VN1R4: variants seen among roughly 807,000 people sequenced by gnomAD.
VN1R4 encodes the protein vomeronasal type-1 receptor 4.
For synonymous variants in VN1R4, 97 were observed against 138.8 expected (o/e 0.70, Z 2.12); for missense variants, 291 against 364.2 (o/e 0.80, Z 1.64).
exon 1 of VN1R4, chr19:53,266,873 A>T (rs1568704336): frequency 3.1e-6 from 5 of 1,614,198 alleles, no homozygotes; most frequent in Non-Finnish European, 4.2e-6. Context: ...TTCACCAGTA[A>T]ACTATTGGGA....
At chr19:53,267,026 G>A in the VN1R4 span, 1 of 1,612,398 alleles carries the variant, frequency 6.2e-7, no homozygotes, top group Non-Finnish European at 8.5e-7. Flanking sequence ...TCAATGTGCT[G>A]GACCCGCTGC....
exon 1 of VN1R4, chr19:53,266,963 T>C: frequency 6.2e-7 from 1 of 1,611,374 alleles, no homozygotes; most frequent in Non-Finnish European, 8.5e-7. Context: ...AGGATGAGGA[T>C]GCTCTGCGTA....
exon 1 of VN1R4, chr19:53,267,150 G>T (rs1286567979): frequency 6.8e-6 from 11 of 1,612,664 alleles, no homozygotes; most frequent in Non-Finnish European, 9.3e-6. Flanking sequence ...CGATTTTGTT[G>T]TTGCCTCCCC....
At chr19:53,266,906 C>T (rs1399904316) in exon 1 of VN1R4, 3 of 1,613,992 alleles carry the variant, frequency 1.9e-6, no homozygotes, top group Admixed American at 1.7e-5. Flanking sequence ...GCCATACAAA[C>T]TTGGAAAAGG....
In VN1R4 at chr19:53,266,747, T is replaced by TCATCA. The variant is rs758194635; in HGVS notation, c.*12_*13insTGATG. ...TACAATGTACATGTTTATGATGAGGTTAGGAGATCTTGTCATCTTTTCCAG... is the reference window on the plus strand; with the variant it reads ...TACAATGTACATGTTTATGATGAGGTCATCATAGGAGATCTTGTCATCTTTTCCAG... On this transcript the variant is annotated 3_prime_UTR_variant, in exon 1 of 1. Coordinates refer to ENST00000311170, the Ensembl canonical transcript of VN1R4. 18 of 1,589,512 alleles carry TCATCA rather than the reference T, an allele frequency of 1.1e-5. 1 individual carries two copies. The Admixed American group carries it at 1.4e-4, about 13-fold the overall frequency.
exon 1 of VN1R4, chr19:53,266,703 T>C: frequency 6.7e-7 from 1 of 1,493,222 alleles, no homozygotes; most frequent in Non-Finnish European, 9.0e-7. Flanking sequence ...AGTCATCAAT[T>C]GAACCATGAG....
At chr19:53,266,719 A>G (rs745872510) in exon 1 of VN1R4, 1 of 1,530,928 alleles carries the variant, frequency 6.5e-7, no homozygotes, top group Non-Finnish European at 8.8e-7. Flanking sequence ...ATGAGCAAAT[A>G]TATACAATGT....
chr19:53,267,482 C>T, exon 1 of VN1R4: 3 of 1,614,132 alleles, frequency 1.9e-6, no homozygotes, highest in African/African-American at 1.3e-5. Flanking sequence ...GTCTGGGGGA[C>T]TCCTTTACAG....
exon 1 of VN1R4, chr19:53,266,738 A>G (rs775674605): frequency 8.9e-6 from 14 of 1,567,872 alleles, no homozygotes; most frequent in Non-Finnish European, 1.1e-5. Flanking sequence ...GTACATGTTT[A>G]TGATGAGGTT....
At chr19:53,267,074 C>G (rs150698672) in exon 1 of VN1R4, 2 of 1,613,180 alleles carry the variant, frequency 1.2e-6, no homozygotes, top group Non-Finnish European at 1.7e-6. Flanking sequence ...GAGCTGCTGA[C>G]CCAGAGCATG....
At chr19:53,267,081 C>T in exon 1 of VN1R4, 1 of 1,613,306 alleles carries the variant, frequency 6.2e-7, no homozygotes, top group Non-Finnish European at 8.5e-7. Context: ...TGACCCAGAG[C>T]ATGAGCCCCA....
exon 1 of VN1R4, chr19:53,267,401 C>G: frequency 6.2e-7 from 1 of 1,614,150 alleles, no homozygotes; most frequent in Non-Finnish European, 8.5e-7. Context: ...CCCCTGCCCA[C>G]TCTATGGAGA....
At chr19:53,267,466 G>T in exon 1 of VN1R4, 9 of 1,614,174 alleles carry the variant, frequency 5.6e-6, no homozygotes, top group Non-Finnish European at 7.6e-6. Context: ...CCCAAAAGCT[G>T]CCATTGTCTG....
At chr19:53,267,087 C>A (rs760287252) in exon 1 of VN1R4, 5 of 1,613,164 alleles carry the variant, frequency 3.1e-6, no homozygotes, top group Non-Finnish European at 4.2e-6. Context: ...AGAGCATGAG[C>A]CCCAGACACA....
exon 1 of VN1R4, chr19:53,266,724 C>T (rs1568704115): frequency 1.8e-5 from 27 of 1,539,612 alleles, no homozygotes; most frequent in Non-Finnish European, 2.4e-5. Context: ...CAAATATATA[C>T]AATGTACATG....
chr19:53,267,160 C>G, exon 1 of VN1R4: 1 of 1,612,232 alleles, frequency 6.2e-7, no homozygotes, highest in Non-Finnish European at 8.5e-7. Flanking sequence ...GTTGCCTCCC[C>G]CAGAACAGTA....
chr19:53,266,958 G>A (rs748329994), exon 1 of VN1R4: 9 of 1,612,214 alleles, frequency 5.6e-6, no homozygotes, highest in African/African-American at 4.0e-5. Flanking sequence ...TCACCAGGAT[G>A]AGGATGCTCT....
exon 1 of VN1R4, chr19:53,267,223 T>G (rs148081058): frequency 6.2e-7 from 1 of 1,610,998 alleles, no homozygotes; most frequent in Non-Finnish European, 8.5e-7. Context: ...GCCAGTCACA[T>G]ACATGGGAAA....
chr19:53,267,675 G>T, exon 1 of VN1R4: 3 of 1,568,138 alleles, frequency 1.9e-6, no homozygotes, highest in Non-Finnish European at 2.6e-6. Context: ...TTCTGCCACT[G>T]ATGTCTGTCA....
Sources: gnomAD v4.1 joint callset for allele counts on GRCh38, gnomAD v4.1.1 for gene constraint, MANE v1.5 for transcripts, NCBI Gene and HGNC (gene_info 2026-07-23, HGNC 2026-07-21) for gene names.